Variants in C12orf54 observed in about 807,000 individuals in gnomAD.
C12orf54 encodes uncharacterized protein C12orf54.
In C12orf54, 24 loss-of-function variants were observed where a neutral mutation model predicts 26.4. The observed-to-expected ratio is 0.91, with a 90% CI of 0.66 to 1.28. The LOEUF (loss-of-function observed/expected upper bound fraction) is 1.28, where lower values mean the gene tolerates loss of function less well. Ranked by LOEUF, C12orf54 falls within the 50% of genes most tolerant of loss-of-function variation. The pLI is 0.00. For synonymous variants in C12orf54, 54 were observed against 47.0 expected (o/e 1.15, Z -0.61); for missense variants, 154 against 150.9 (o/e 1.02, Z -0.11).
chr12:48,492,924 A>C, intron 6 of C12orf54, 23 bp from the exon 7 acceptor site: 1 of 1,609,478 alleles, frequency 6.2e-7, no homozygotes, highest in Non-Finnish European at 8.5e-7. Context: ...TAACAGAATG[A>C]CTCTTCTCTG....
the C12orf54 span, among the ~76,000 whole-genome samples, chr12:48,444,080 G>A: frequency 6.6e-6 from 1 of 152,180 alleles, no homozygotes; most frequent in Admixed American, 6.5e-5. Flanking sequence ...TTATGAAGTT[G>A]GGAGTTTGAA....
the C12orf54 span, among the ~76,000 whole-genome samples, chr12:48,418,710 A>G: frequency 6.6e-6 from 1 of 152,196 alleles, no homozygotes; most frequent in Non-Finnish European, 1.5e-5. Flanking sequence ...TGTAAAGGAA[A>G]CAGGGACACA....
At chr12:48,442,584 CAT>C in the C12orf54 span, 1 of 161,034 alleles carries the variant, frequency 6.2e-6, no homozygotes, top group South Asian at 1.8e-4. Context: ...CTGATGGCAA[CAT>C]AGCGGTCATA....
intron 8 of C12orf54, among the ~76,000 whole-genome samples, chr12:48,495,253 A>C (rs1159657251): frequency 1.3e-5 from 2 of 152,236 alleles, no homozygotes; most frequent in Non-Finnish European, 2.9e-5. Context: ...AACAGAGTGC[A>C]TCAGGTGTGG....
At chr12:48,454,597 A>G in the C12orf54 span, among the ~76,000 whole-genome samples, 23 of 152,302 alleles carry the variant, frequency 1.5e-4, no homozygotes, top group East Asian at 4.4e-3. Context: ...CTTCTTCTCT[A>G]TCTCTTTCCT....
upstream of C12orf54, among the ~76,000 whole-genome samples, chr12:48,481,803 T>C (rs1413159731): frequency 6.6e-6 from 1 of 152,148 alleles, no homozygotes; most frequent in Non-Finnish European, 1.5e-5. Context: ...TATACCACAA[T>C]TCCCACTTCA....
At chr12:48,487,036 C>T (rs577168839) in intron 4 of C12orf54, among the ~76,000 whole-genome samples, 1 of 152,226 alleles carries the variant, frequency 6.6e-6, no homozygotes, top group Admixed American at 6.5e-5. Flanking sequence ...ACAGGTTTGG[C>T]CTTTCACAAA....
the C12orf54 span, among the ~76,000 whole-genome samples, chr12:48,432,553 G>A: frequency 6.6e-6 from 1 of 152,224 alleles, no homozygotes; most frequent in East Asian, 1.9e-4. Flanking sequence ...GCTGCTGCAT[G>A]AACTTTAAAA....
the C12orf54 span, among the ~76,000 whole-genome samples, chr12:48,447,421 G>T: frequency 1.3e-5 from 2 of 152,150 alleles, no homozygotes; most frequent in Non-Finnish European, 2.9e-5. Flanking sequence ...TAATACAATA[G>T]AGAAGACATC....
At chr12:48,437,969 G>C in the C12orf54 span, among the ~76,000 whole-genome samples, 14 of 152,282 alleles carry the variant, frequency 9.2e-5, no homozygotes, top group East Asian at 9.6e-4. Context: ...AATTGTCCCT[G>C]TTTGCAGATG....
At chr12:48,476,392 A>C in the C12orf54 span, among the ~76,000 whole-genome samples, 5 of 152,210 alleles carry the variant, frequency 3.3e-5, no homozygotes, top group African/African-American at 1.2e-4. Context: ...TTCACACATA[A>C]CAATATTAAC....
At chr12:48,426,063 C>T in the C12orf54 span, among the ~76,000 whole-genome samples, 3 of 150,690 alleles carry the variant, frequency 2.0e-5, no homozygotes, top group Non-Finnish European at 4.4e-5. Flanking sequence ...TATTTTATTT[C>T]GCCGTGCAGA....
chr12:48,459,562 A>G, the C12orf54 span, among the ~76,000 whole-genome samples: 1 of 152,164 alleles, frequency 6.6e-6, no homozygotes, highest in Non-Finnish European at 1.5e-5. Context: ...GAGTAAAAAA[A>G]TAGAACTTTC....
the C12orf54 span, among the ~76,000 whole-genome samples, chr12:48,416,124 C>A: frequency 6.6e-6 from 1 of 152,084 alleles, no homozygotes; most frequent in Non-Finnish European, 1.5e-5. Flanking sequence ...AAAAAAATAC[C>A]GTCAGATGTC....
chr12:48,481,158 C>A (rs1356200913), upstream of C12orf54, among the ~76,000 whole-genome samples: 1 of 151,866 alleles, frequency 6.6e-6, no homozygotes, highest in African/African-American at 2.4e-5. Context: ...ATCCTTGTAA[C>A]AAACCTACAT....
chr12:48,432,492 A>G, the C12orf54 span, among the ~76,000 whole-genome samples: 1 of 148,716 alleles, frequency 6.7e-6, no homozygotes, highest in African/African-American at 2.5e-5. Context: ...CTGAAACATG[A>G]GAAGCTTTCT....
chr12:48,474,316 G>A, the C12orf54 span, among the ~76,000 whole-genome samples: 4 of 152,202 alleles, frequency 2.6e-5, no homozygotes, highest in South Asian at 2.1e-4. Flanking sequence ...CAGCATGAGC[G>A]ATACAGAAGA....
the C12orf54 span, among the ~76,000 whole-genome samples, chr12:48,443,647 A>G: frequency 2.6e-5 from 4 of 152,178 alleles, no homozygotes; most frequent in African/African-American, 7.2e-5. Flanking sequence ...CGTTTAATCT[A>G]TATGTGATCT....
chr12:48,433,827 C>A, the C12orf54 span, among the ~76,000 whole-genome samples: 1 of 152,172 alleles, frequency 6.6e-6, no homozygotes, highest in African/African-American at 2.4e-5. Flanking sequence ...CTACAGCTCC[C>A]AGCGTGAGCA....
Sources: gnomAD v4.1 joint callset for allele counts (sites outside exome capture counted in the v4.1 genomes callset) on GRCh38, gnomAD v4.1.1 for gene constraint, MANE v1.5 for transcripts, NCBI Gene and HGNC (gene_info 2026-07-23, HGNC 2026-07-21) for gene names.